GPCPD1: variants seen among roughly 807,000 people sequenced by gnomAD.
GPCPD1 encodes the protein glycerophosphocholine phosphodiesterase GPCPD1.
Under a neutral mutation model 89.2 loss-of-function variants are expected in GPCPD1, and 29 were observed. The observed-to-expected ratio is 0.33, with a 90% CI of 0.24 to 0.44. The LOEUF (loss-of-function observed/expected upper bound fraction) is 0.44, where lower values mean the gene tolerates loss of function less well. Among genes scored for constraint, GPCPD1 ranks in the 20% least tolerant of loss-of-function variants. The pLI is 1.00. For missense variants in GPCPD1, 594 were observed against 808.9 expected, an observed-to-expected ratio of 0.73 and a Z score of 3.22; for synonymous variants, 258 against 266.3, an observed-to-expected ratio of 0.97 and a Z score of 0.30.
rs771095521 is a variant in GPCPD1, at chr20:5,547,726, A to G, written c.1954T>C (p.Ser652Pro). The G allele has an allele frequency of 6.2e-7, 1 of 1,610,648 alleles. No individual in the cohort carries two copies. Among genetic ancestry groups the G allele is most frequent in the Non-Finnish European group, 8.5e-7 (1 of 1,176,994 alleles). ...TGGATATCAGACTCCCCACACAAAG[A>G]TGAGGGAACAAAGCGGCTAACAGTG... ...CPTVSRFVPSSLCGESDIHVD... is the reference protein window; with the variant it reads ...CPTVSRFVPSPLCGESDIHVD... The change falls in exon 20 of 20, where the codon TCT becomes CCT. Residue 652 changes from serine to proline, a missense_variant. Ser to Pro is a moderately conservative substitution (Grantham distance 74). Transcript: ENST00000379019.
At position 5,593,366 on chromosome 20, in the gene GPCPD1, A is replaced by T. The variant is rs763481098; in HGVS notation, c.192T>A (p.Val64=). The T allele has an allele frequency of 1.2e-5, 19 of 1,598,830 alleles. No homozygotes were observed. The South Asian group carries it at 2.1e-4, about 18-fold the overall frequency. The change falls in exon 4 of 20, where the codon GTT becomes GTA. Residue 64 remains valine, a synonymous_variant. Transcript: ENST00000379019. ...AGTACCCTTTGAAGTAGCGATACTG[A>T]ACTGATACTCCTCTACTGAGTACAA... The part of the protein sequence containing the change: ...ATIVLSRGVS[V]QYRYFKGYFL...
In GPCPD1 at chr20:5,558,825, A is replaced by G; in HGVS notation, c.1533-6T>C. On this transcript the variant is annotated splice_region_variant and splice_polypyrimidine_tract_variant and intron_variant, in intron 17 of 19. Coordinates refer to ENST00000379019, the MANE Select transcript of GPCPD1 (RefSeq NM_019593.5). ...TGTTCTGCTTTTGCCGAACCCTGAA[A>G]AGAAACAATTTTAAAAATACCTTTC... is the stretch of plus-strand genomic sequence containing the variant. 6.5e-7 allele frequency: 1 copy of G among 1,550,162 alleles called. No homozygotes were observed. The highest frequency in any genetic ancestry group is 8.7e-7 in the Non-Finnish European group (1 of 1,148,360).
At chr20:5,574,042 G>A in intron 10 of GPCPD1, 73 bp from the exon 11 acceptor site, 1 of 867,288 alleles carries the variant, frequency 1.2e-6, no homozygotes, top group Non-Finnish European at 1.9e-6. Context: ...GAAGCAAAGT[G>A]TACTTTCAAC....
intron 4 of GPCPD1, among the ~76,000 whole-genome samples, chr20:5,589,201 TTATAA>T (rs567400532): frequency 3.6e-4 from 55 of 152,286 alleles, no homozygotes; most frequent in Admixed American, 7.8e-4. Context: ...TGGTAAACTG[TTATAA>T]TATAGAAAAA....
chr20:5,609,040 C>T (rs1980779582), intron 1 of GPCPD1, among the ~76,000 whole-genome samples: 1 of 152,172 alleles, frequency 6.6e-6, no homozygotes. Flanking sequence ...TACTGATTTA[C>T]CAGGCTGGGA....
In GPCPD1 at chr20:5,593,314, A is replaced by G; in HGVS notation, c.231+13T>C. The G allele has an allele frequency of 1.5e-6, 2 of 1,363,020 alleles. No homozygotes were observed. Among genetic ancestry groups the G allele is most frequent in the Non-Finnish European group, 2.1e-6 (2 of 953,372 alleles). The allele number at this position is 1,363,020 out of a possible 1,614,324, so 84.4% of individuals were successfully genotyped here. On this transcript the variant is annotated intron_variant, in intron 4 of 19. Transcript: ENST00000379019. Reference sequence around the variant, plus strand: ...GTGCTAAAGGAATTGGAAACTAGATAAAGAAAACATACCTTTGGTTCTAAA... The same window carrying G: ...GTGCTAAAGGAATTGGAAACTAGATGAAGAAAACATACCTTTGGTTCTAAA...
At chr20:5,571,200 G>A (rs1411126039) in intron 11 of GPCPD1, among the ~76,000 whole-genome samples, 1 of 152,186 alleles carries the variant, frequency 6.6e-6, no homozygotes, top group African/African-American at 2.4e-5. Context: ...GTCTGGCGAG[G>A]AAGCCTACTT....
At chr20:5,600,755 C>T (rs1191262519) in intron 2 of GPCPD1, among the ~76,000 whole-genome samples, 1 of 152,074 alleles carries the variant, frequency 6.6e-6, no homozygotes, top group Admixed American at 6.6e-5. Flanking sequence ...TCAATTGAAC[C>T]CAGGAGGCTG....
chr20:5,549,367 G>A (rs996407951), intron 19 of GPCPD1: 4 of 1,197,054 alleles, frequency 3.3e-6, no homozygotes, highest in African/African-American at 1.5e-5. Context: ...CACATATAGA[G>A]AGGGTATACA....
chr20:5,560,890 C>T (rs1308308985), intron 16 of GPCPD1, among the ~76,000 whole-genome samples: 1 of 152,206 alleles, frequency 6.6e-6, no homozygotes, highest in Non-Finnish European at 1.5e-5. Context: ...CAATAGTTAG[C>T]TAATTGTTTT....
At chr20:5,581,590 C>T (rs1020126910) in intron 6 of GPCPD1, among the ~76,000 whole-genome samples, 1 of 152,050 alleles carries the variant, frequency 6.6e-6, no homozygotes, top group African/African-American at 2.4e-5. Flanking sequence ...ATATATTCTG[C>T]CATAAATAAA....
chr20:5,584,136 C>T, intron 6 of GPCPD1, 145 bp downstream of exon 6: 1 of 484,346 alleles, frequency 2.1e-6, no homozygotes, highest in Non-Finnish European at 3.8e-6. Context: ...ACTGCTGCTG[C>T]ACGTGTGGCC....
chr20:5,589,395 T>C (rs1236291930), intron 4 of GPCPD1, among the ~76,000 whole-genome samples: 3 of 152,198 alleles, frequency 2.0e-5, no homozygotes, highest in East Asian at 1.9e-4. Context: ...GTGGATCACC[T>C]GAGGTCGGGA....
At chr20:5,604,999 C>T (rs976840924) in intron 1 of GPCPD1, among the ~76,000 whole-genome samples, 1 of 150,698 alleles carries the variant, frequency 6.6e-6, no homozygotes, top group Non-Finnish European at 1.5e-5. Context: ...TTAAAAAAAG[C>T]AAAAAATGAA....
At chr20:5,553,571 C>A (rs773542612) in intron 19 of GPCPD1, among the ~76,000 whole-genome samples, 20 of 152,126 alleles carry the variant, frequency 1.3e-4, no homozygotes, top group Non-Finnish European at 5.9e-5. Context: ...AAACTGTTAA[C>A]CAAGTTATGA....
Position 5,604,446 on chromosome 20 carries a change from A to G in GPCPD1, c.-28-6T>C, listed in dbSNP as rs201553971. The G allele has an allele frequency of 2.1e-5, 29 of 1,371,768 alleles. No homozygotes were observed. In the East Asian group the frequency reaches 5.8e-4, roughly 27 times the overall value. The allele number at this position is 1,371,768 out of a possible 1,614,324, so 85.0% of individuals were successfully genotyped here. On this transcript the variant is annotated splice_polypyrimidine_tract_variant and splice_region_variant and intron_variant, in intron 1 of 19. Coordinates refer to ENST00000379019, the MANE Select transcript of GPCPD1 (RefSeq NM_019593.5). ...ATTTATTTTATGATGTCGTGCTAGG[A>G]AAAAAAAGAAAAGTAACTTATAGTA...
At chr20:5,593,904 AATG>A (rs145889934) in intron 3 of GPCPD1, among the ~76,000 whole-genome samples, 333 of 152,346 alleles carry the variant, frequency 2.2e-3, no homozygotes, top group African/African-American at 7.5e-3. Flanking sequence ...TTGTGTCACA[AATG>A]AGAGATAAAC....
intron 12 of GPCPD1, 112 bp from the exon 13 acceptor site, chr20:5,567,672 A>G: frequency 2.0e-6 from 2 of 979,644 alleles, no homozygotes; most frequent in Non-Finnish European, 2.9e-6. Flanking sequence ...TAGCAACTCT[A>G]TTTACTCAAC....
chr20:5,558,641 G>C, intron 18 of GPCPD1, 43 bp downstream of exon 18: 1 of 1,213,010 alleles, frequency 8.2e-7, no homozygotes, highest in Non-Finnish European at 1.2e-6. Flanking sequence ...CTCCAAAATA[G>C]AAAACAGAAC....
Sources: allele counts gnomAD v4.1 joint callset (sites outside exome capture counted in the v4.1 genomes callset), GRCh38; gene constraint gnomAD v4.1.1; transcripts MANE v1.5; gene names NCBI Gene and HGNC (gene_info 2026-07-23, HGNC 2026-07-21).